SCHIP1: variants seen among roughly 807,000 people sequenced by gnomAD.
SCHIP1 encodes the protein schwannomin-interacting protein 1.
A neutral mutation model predicts 29.7 loss-of-function variants in SCHIP1; 8 were observed. That is an observed-to-expected ratio of 0.27 (90% confidence interval 0.16 to 0.49). The LOEUF is 0.49. Among genes scored for constraint, SCHIP1 ranks in the 20% least tolerant of loss-of-function variants. The probability of loss-of-function intolerance (pLI) is 0.99; values close to 1 mark genes in which losing one functional copy is unlikely to be tolerated. For synonymous variants in SCHIP1, 76 were observed against 94.9 expected (o/e 0.80, Z 1.16); for missense variants, 193 against 294.6 (o/e 0.66, Z 2.52).
the SCHIP1 span, among the ~76,000 whole-genome samples, chr3:159,334,153 A>G: frequency 6.6e-6 from 1 of 152,208 alleles, no homozygotes. Context: ...AATCATCTTT[A>G]TCATATGGAA....
At chr3:159,668,376 C>CAAAAA in the SCHIP1 span, among the ~76,000 whole-genome samples, 33 of 46,384 alleles carry the variant, frequency 7.1e-4, 2 homozygotes, top group African/African-American at 2.8e-3. Context: ...GACTCCGTCT[C>CAAAAA]AAAAAAAAAA....
At chr3:159,849,251 T>C (rs1451782164) in intron 1 of SCHIP1, among the ~76,000 whole-genome samples, 1 of 152,220 alleles carries the variant, frequency 6.6e-6, no homozygotes, top group Non-Finnish European at 1.5e-5. Context: ...AGTACACATA[T>C]ATTAATCTGT....
the SCHIP1 span, among the ~76,000 whole-genome samples, chr3:159,502,884 C>A: frequency 6.6e-6 from 1 of 152,144 alleles, no homozygotes; most frequent in African/African-American, 2.4e-5. Context: ...CCAACTGGCC[C>A]CTGCAGGATT....
chr3:159,449,482 A>T, the SCHIP1 span, among the ~76,000 whole-genome samples: 1 of 152,202 alleles, frequency 6.6e-6, no homozygotes, highest in Non-Finnish European at 1.5e-5. Flanking sequence ...CAAAGACATT[A>T]ACAATAATGA....
chr3:159,509,038 T>G, the SCHIP1 span, among the ~76,000 whole-genome samples: 1 of 152,194 alleles, frequency 6.6e-6, no homozygotes, highest in East Asian at 1.9e-4. Context: ...ACTTTCTGTC[T>G]TGTTGATCTG....
chr3:159,587,565 AC>A, the SCHIP1 span, among the ~76,000 whole-genome samples: 1 of 152,004 alleles, frequency 6.6e-6, no homozygotes, highest in Non-Finnish European at 1.5e-5. Flanking sequence ...GGTGTGCTGC[AC>A]CCCTTAACTC....
chr3:159,663,015 G>A, the SCHIP1 span, among the ~76,000 whole-genome samples: 4 of 152,214 alleles, frequency 2.6e-5, no homozygotes, highest in Admixed American at 2.6e-4. Flanking sequence ...GGGGATGTGT[G>A]TCTTGGGTAG....
chr3:159,355,411 A>G, the SCHIP1 span, among the ~76,000 whole-genome samples: 13 of 152,082 alleles, frequency 8.5e-5, no homozygotes, highest in Non-Finnish European at 1.5e-4. Flanking sequence ...CAGAGCAAAA[A>G]CAAGGAAATT....
the SCHIP1 span, among the ~76,000 whole-genome samples, chr3:159,769,377 C>T: frequency 2.0e-5 from 3 of 152,166 alleles, no homozygotes. Flanking sequence ...GCTTCCTGTC[C>T]TTCATGGGAC....
the SCHIP1 span, among the ~76,000 whole-genome samples, chr3:159,691,945 T>A: frequency 6.6e-6 from 1 of 152,068 alleles, no homozygotes; most frequent in Non-Finnish European, 1.5e-5. Context: ...TCTTCTGGCT[T>A]GTAGGGTTTC....
chr3:159,534,884 G>A, the SCHIP1 span, among the ~76,000 whole-genome samples: 2 of 152,112 alleles, frequency 1.3e-5, no homozygotes, highest in Admixed American at 6.6e-5. Flanking sequence ...ATGTATCTAT[G>A]AAGGCTTCTC....
chr3:159,574,606 G>A, the SCHIP1 span, among the ~76,000 whole-genome samples: 3 of 152,246 alleles, frequency 2.0e-5, no homozygotes, highest in African/African-American at 7.2e-5. Context: ...CATTCTCAGA[G>A]CTCAAATGCT....
the SCHIP1 span, among the ~76,000 whole-genome samples, chr3:159,596,383 G>C: frequency 0.21 from 31,281 of 152,116 alleles, 8,767 homozygotes; most frequent in African/African-American, 0.64. Flanking sequence ...TTGTAGAAGA[G>C]AGTGTGGCGA....
chr3:159,846,482 A>G (rs535169413), intron 1 of SCHIP1, among the ~76,000 whole-genome samples: 1 of 152,344 alleles, frequency 6.6e-6, no homozygotes, highest in East Asian at 1.9e-4. Flanking sequence ...CACCAGGACA[A>G]GTGAGGACTA....
the SCHIP1 span, among the ~76,000 whole-genome samples, chr3:159,321,984 A>T: frequency 1.1e-4 from 16 of 152,206 alleles, no homozygotes; most frequent in African/African-American, 3.6e-4. Flanking sequence ...CAGATAATAC[A>T]TATCTTTTGC....
the SCHIP1 span, among the ~76,000 whole-genome samples, chr3:159,597,826 C>T: frequency 2.6e-5 from 4 of 152,100 alleles, no homozygotes; most frequent in Admixed American, 6.6e-5. Flanking sequence ...TGTGTATTAG[C>T]TCGTTTTCAC....
the SCHIP1 span, among the ~76,000 whole-genome samples, chr3:159,517,844 A>T: frequency 1.3e-5 from 2 of 152,144 alleles, no homozygotes; most frequent in Non-Finnish European, 2.9e-5. Context: ...CAGAAAAAAC[A>T]GCTTTAGCAT....
chr3:159,765,351 G>T, the SCHIP1 span: 1 of 542,060 alleles, frequency 1.8e-6, no homozygotes, highest in Non-Finnish European at 3.0e-6. Context: ...GGGCGGAGAG[G>T]AAGGAGGAGC....
chr3:159,719,827 A>G, the SCHIP1 span, among the ~76,000 whole-genome samples: 1 of 152,238 alleles, frequency 6.6e-6, no homozygotes, highest in Non-Finnish European at 1.5e-5. Flanking sequence ...ACAGTGTGAG[A>G]TTCCTCAAGG....
Sources: gnomAD v4.1 joint callset for allele counts (sites outside exome capture counted in the v4.1 genomes callset) on GRCh38, gnomAD v4.1.1 for gene constraint, MANE v1.5 for transcripts, NCBI Gene and HGNC (gene_info 2026-07-23, HGNC 2026-07-21) for gene names.